BMERB1: variants seen among roughly 807,000 people sequenced by gnomAD.
BMERB1 encodes bMERB domain containing 1.
In BMERB1, 12 loss-of-function variants were observed where a neutral mutation model predicts 23.6. The observed-to-expected ratio is 0.51, with a 90% CI of 0.33 to 0.82. The LOEUF is 0.82. BMERB1 is among the 40% of genes least tolerant of loss of function. BMERB1 has a pLI of 0.03. For synonymous variants in BMERB1, 122 were observed against 96.6 expected (o/e 1.26, Z -1.54); for missense variants, 247 against 255.4 (o/e 0.97, Z 0.22).
chr16:15,528,465 G>A (rs2051930969), intron 2 of BMERB1, among the ~76,000 whole-genome samples: 1 of 152,092 alleles, frequency 6.6e-6, no homozygotes. Flanking sequence ...ACACCTTCCA[G>A]AATTTGTTAG....
intron 2 of BMERB1, among the ~76,000 whole-genome samples, chr16:15,561,214 T>G (rs1317725166): frequency 6.8e-6 from 1 of 146,252 alleles, no homozygotes; most frequent in African/African-American, 2.5e-5. Flanking sequence ...ACCTCAGCCT[T>G]CCAAACTGCT....
chr16:15,485,481 C>T (rs1333047386), intron 1 of BMERB1, among the ~76,000 whole-genome samples: 4 of 147,836 alleles, frequency 2.7e-5, no homozygotes, highest in African/African-American at 9.9e-5. Flanking sequence ...TTTTCCATCT[C>T]GCTTGTGTAA....
intron 1 of BMERB1, among the ~76,000 whole-genome samples, chr16:15,476,697 C>T: frequency 6.6e-6 from 1 of 152,218 alleles, no homozygotes; most frequent in Non-Finnish European, 1.5e-5. Flanking sequence ...TGCACCAGCT[C>T]ATTAAGTCTG....
intron 1 of BMERB1, among the ~76,000 whole-genome samples, chr16:15,472,436 T>G (rs1041655227): frequency 8.5e-5 from 13 of 152,218 alleles, no homozygotes; most frequent in Non-Finnish European, 1.9e-4. Context: ...GACTCTCTGT[T>G]GTTTGGTGCA....
At chr16:15,437,013 CTTGTTAGGT>C (rs1304505953) in intron 1 of BMERB1, among the ~76,000 whole-genome samples, 1 of 151,964 alleles carries the variant, frequency 6.6e-6, no homozygotes, top group Non-Finnish European at 1.5e-5. Context: ...AAAACTGGGA[CTTGTTAGGT>C]GATCTGACAG....
chr16:15,474,257 A>G (rs1325101749), intron 1 of BMERB1, among the ~76,000 whole-genome samples: 1 of 151,950 alleles, frequency 6.6e-6, no homozygotes, highest in Non-Finnish European at 1.5e-5. Flanking sequence ...AGCTTCTTGA[A>G]TCCATAGGTT....
At chr16:15,503,763 G>A (rs1214882831) in intron 1 of BMERB1, among the ~76,000 whole-genome samples, 2 of 152,152 alleles carry the variant, frequency 1.3e-5, no homozygotes, top group East Asian at 3.9e-4. Flanking sequence ...GGGAGATCAA[G>A]TAATTTGCCC....
At chr16:15,527,413 TG>T (rs992203260) in intron 2 of BMERB1, among the ~76,000 whole-genome samples, 21 of 152,300 alleles carry the variant, frequency 1.4e-4, no homozygotes, top group African/African-American at 5.1e-4. Flanking sequence ...GAGACCACCC[TG>T]GGCAACATGG....
chr16:15,581,497 T>C, intron 4 of BMERB1, 166 bp downstream of exon 4: 1 of 545,360 alleles, frequency 1.8e-6, no homozygotes, highest in Non-Finnish European at 3.3e-6. Flanking sequence ...CCTTCTGGCT[T>C]GAGAATTCAT....
chr16:15,581,456 TC>T, intron 4 of BMERB1, 125 bp downstream of exon 4: 1 of 675,870 alleles, frequency 1.5e-6, no homozygotes, highest in East Asian at 2.9e-5. Flanking sequence ...TGATCCACAG[TC>T]TCTGGACACT....
intron 2 of BMERB1, among the ~76,000 whole-genome samples, chr16:15,527,923 A>G (rs1202287818): frequency 6.6e-6 from 1 of 152,058 alleles, no homozygotes; most frequent in African/African-American, 2.4e-5. Flanking sequence ...TCAGTTCATC[A>G]TCAACTGGTG....
intron 2 of BMERB1, 78 bp downstream of exon 2, chr16:15,515,506 C>A: frequency 6.5e-7 from 1 of 1,530,270 alleles, no homozygotes; most frequent in Non-Finnish European, 8.8e-7. Context: ...TGATCGTCTA[C>A]TGTGTGCCAG....
intron 1 of BMERB1, among the ~76,000 whole-genome samples, chr16:15,486,164 T>C (rs2051366497): frequency 6.9e-6 from 1 of 144,856 alleles, no homozygotes; most frequent in Non-Finnish European, 1.5e-5. Flanking sequence ...ATCGTGCCAC[T>C]ATACTCCAGC....
intron 1 of BMERB1, among the ~76,000 whole-genome samples, chr16:15,509,786 G>C (rs1045167583): frequency 1.3e-5 from 2 of 152,188 alleles, no homozygotes; most frequent in South Asian, 2.1e-4. Context: ...ATTCATTCTT[G>C]TGGGTTTGTG....
chr16:15,502,245 G>T, intron 1 of BMERB1: 1 of 1,522,704 alleles, frequency 6.6e-7, no homozygotes, highest in Non-Finnish European at 8.9e-7. Context: ...AAAAAAATGT[G>T]CTTGAGGTGC....
intron 1 of BMERB1, among the ~76,000 whole-genome samples, chr16:15,443,615 T>C (rs1293676259): frequency 6.6e-6 from 1 of 151,632 alleles, no homozygotes; most frequent in African/African-American, 2.4e-5. Context: ...AAACACATGC[T>C]AAATGAAAAG....
chr16:15,557,512 T>C (rs2030296784), intron 2 of BMERB1, among the ~76,000 whole-genome samples: 2 of 152,334 alleles, frequency 1.3e-5, no homozygotes, highest in South Asian at 4.1e-4. Flanking sequence ...GACAGCTGTA[T>C]GTCTTGATCC....
chr16:15,490,474 G>T (rs973610068), intron 1 of BMERB1, among the ~76,000 whole-genome samples: 1 of 152,010 alleles, frequency 6.6e-6, no homozygotes, highest in Non-Finnish European at 1.5e-5. Flanking sequence ...GTAGAGATGG[G>T]GTCTTGCTAT....
intron 2 of BMERB1, among the ~76,000 whole-genome samples, chr16:15,553,643 T>A (rs2030159567): frequency 6.6e-6 from 1 of 152,254 alleles, no homozygotes; most frequent in Non-Finnish European, 1.5e-5. Context: ...TTTTCATTTA[T>A]CAGAAAATGT....
Sources: gnomAD v4.1 joint callset for allele counts (sites outside exome capture counted in the v4.1 genomes callset) on GRCh38, gnomAD v4.1.1 for gene constraint, MANE v1.5 for transcripts, NCBI Gene and HGNC (gene_info 2026-07-23, HGNC 2026-07-21) for gene names.